The following FBXL7 variants were observed in gnomAD, a reference collection of about 807,000 sequenced individuals.
FBXL7 encodes F-box and leucine rich repeat protein 7, also known as F-box/LRR-repeat protein 7.
Under a neutral mutation model 38.3 loss-of-function variants are expected in FBXL7, and 12 were observed. The observed-to-expected ratio is 0.31, with a 90% CI of 0.20 to 0.51. The LOEUF is 0.51. Ranked by LOEUF, FBXL7 falls within the 20% of genes least tolerant of loss-of-function variation. The probability of loss-of-function intolerance (pLI) is 0.98; values close to 1 mark genes in which losing one functional copy is unlikely to be tolerated. For synonymous variants in FBXL7, 297 were observed against 300.9 expected (o/e 0.99, Z 0.13); for missense variants, 567 against 676.4 (o/e 0.84, Z 1.79).
Position 15,920,571 on chromosome 5 carries a change from A to T in FBXL7, c.128-7319A>T, listed in dbSNP as rs572995269. On this transcript the variant is annotated intron_variant, in intron 2 of 3. Transcript: ENST00000504595. ...AGTCTCCCTCTGTCACCCACACTGG[A>T]GTGCAGTGGCTCAATCTCGGCTCAC... Among the ~76,000 whole-genome samples the T allele has an allele frequency of 3.3e-5, 5 of 151,892 alleles. No homozygotes were observed. The East Asian group carries it at 9.7e-4, about 30-fold the overall frequency.
intron 2 of FBXL7, among the ~76,000 whole-genome samples, chr5:15,904,736 T>G (rs1741314095): frequency 6.6e-6 from 1 of 152,120 alleles, no homozygotes; most frequent in African/African-American, 2.4e-5. Context: ...TTAATAATAA[T>G]AATAATGTGT....
chr5:15,713,366 T>C, intron 2 of FBXL7, among the ~76,000 whole-genome samples: 1 of 152,194 alleles, frequency 6.6e-6, no homozygotes, highest in Non-Finnish European at 1.5e-5. Flanking sequence ...GTGGGAATTA[T>C]GGGAGCTACA....
intron 2 of FBXL7, among the ~76,000 whole-genome samples, chr5:15,634,551 C>A (rs1364041995): frequency 6.6e-6 from 1 of 151,608 alleles, no homozygotes; most frequent in Non-Finnish European, 1.5e-5. Context: ...GAACTCCTGA[C>A]CTCAAGTGAT....
At chr5:15,545,145 A>G (rs868368718) in intron 1 of FBXL7, among the ~76,000 whole-genome samples, 3 of 152,162 alleles carry the variant, frequency 2.0e-5, no homozygotes, top group Non-Finnish European at 2.9e-5. Flanking sequence ...TCCATTCTCA[A>G]TGCTCACATT....
intron 1 of FBXL7, among the ~76,000 whole-genome samples, chr5:15,588,805 G>A (rs972200075): frequency 6.6e-6 from 1 of 152,178 alleles, no homozygotes; most frequent in Non-Finnish European, 1.5e-5. Flanking sequence ...TTCCATGCAG[G>A]TTATGGTAAA....
At chr5:15,573,575 A>G (rs1257187719) in intron 1 of FBXL7, among the ~76,000 whole-genome samples, 1 of 152,202 alleles carries the variant, frequency 6.6e-6, no homozygotes, top group Non-Finnish European at 1.5e-5. Context: ...TTTACAAAGG[A>G]AGGCAGTGTA....
intron 2 of FBXL7, among the ~76,000 whole-genome samples, chr5:15,654,592 A>G (rs1741816781): frequency 6.6e-6 from 1 of 152,158 alleles, no homozygotes; most frequent in South Asian, 2.1e-4. Flanking sequence ...AGTACCTGAA[A>G]GATTCAAGGT....
chr5:15,565,641 A>G (rs1330095807), intron 1 of FBXL7, among the ~76,000 whole-genome samples: 3 of 152,014 alleles, frequency 2.0e-5, no homozygotes, highest in Admixed American at 1.3e-4. Context: ...GCTAAGTCCC[A>G]ATATCTACAG....
intron 2 of FBXL7, among the ~76,000 whole-genome samples, chr5:15,735,232 A>AT: frequency 6.6e-6 from 1 of 152,184 alleles, no homozygotes; most frequent in Non-Finnish European, 1.5e-5. Flanking sequence ...TGTGAAGTTT[A>AT]TTTTTTAAAA....
intron 2 of FBXL7, among the ~76,000 whole-genome samples, chr5:15,672,461 G>A (rs1579365542): frequency 1.3e-5 from 2 of 151,780 alleles, no homozygotes; most frequent in South Asian, 2.1e-4. Flanking sequence ...TTCTAAAAAC[G>A]ATTCTGTTTT....
chr5:15,921,939 AAGT>A (rs1446957495), intron 2 of FBXL7, among the ~76,000 whole-genome samples: 2 of 152,108 alleles, frequency 1.3e-5, no homozygotes, highest in African/African-American at 4.8e-5. Flanking sequence ...AATAAATTGA[AAGT>A]AGAGTACCAT....
intron 1 of FBXL7, among the ~76,000 whole-genome samples, chr5:15,579,964 G>A (rs545829009): frequency 1.3e-5 from 2 of 152,284 alleles, no homozygotes; most frequent in South Asian, 4.1e-4. Context: ...CAGCCTGGGA[G>A]GTCATGCAGT....
rs139292684 is a variant in FBXL7, at chr5:15,847,181, C to G, written c.128-80709C>G. 7.8e-3 allele frequency among the ~76,000 whole-genome samples: 1,194 copies of G among 152,214 alleles called. 9 individuals are homozygous for G. Among genetic ancestry groups the G allele is most frequent in the African/African-American group, 0.027 (1,132 of 41,534 alleles). The stretch of plus-strand genomic sequence containing the variant: ...CTCATGCTACTAATACAGACATACC[C>G]AAGACTGGGTAATTTATAAAGGAAA... On this transcript the variant is annotated intron_variant, in intron 2 of 3. Coordinates refer to ENST00000504595, the MANE Select transcript of FBXL7 (RefSeq NM_012304.5).
At chr5:15,694,751 C>T (rs4701639) in intron 2 of FBXL7, among the ~76,000 whole-genome samples, 97,242 of 151,930 alleles carry the variant, frequency 0.64, 31,829 homozygotes, top group East Asian at 0.74. Context: ...CTGGAATATA[C>T]ATTTTTAAGG....
chr5:15,861,169 A>C (rs990324168), intron 2 of FBXL7, among the ~76,000 whole-genome samples: 4 of 152,194 alleles, frequency 2.6e-5, no homozygotes, highest in Admixed American at 2.0e-4. Flanking sequence ...TAAAACTTGA[A>C]ACAGGAGTGC....
At chr5:15,652,392 G>A (rs1340924860) in intron 2 of FBXL7, among the ~76,000 whole-genome samples, 6 of 151,944 alleles carry the variant, frequency 3.9e-5, no homozygotes, top group African/African-American at 4.8e-5. Flanking sequence ...TCAGCCTCCC[G>A]AGTAGCTGGG....
rs537001469 is a variant in FBXL7 at position 15,863,498 on chromosome 5, G to T, written c.128-64392G>T. The stretch of plus-strand genomic sequence containing the variant: ...AAAATATCTACATGGGAGCCATGGA[G>T]AATGGTCGATGTGACCTCACATTGG... On this transcript the variant is annotated intron_variant, in intron 2 of 3. Coordinates refer to ENST00000504595, the MANE Select transcript of FBXL7 (RefSeq NM_012304.5). 8.9e-4 allele frequency among the ~76,000 whole-genome samples: 135 copies of T among 152,320 alleles called. 1 individual carries two copies. The highest frequency in any genetic ancestry group is 3.2e-3 in the African/African-American group (135 of 41,582).
At chr5:15,734,424 T>G (rs1218349732) in intron 2 of FBXL7, among the ~76,000 whole-genome samples, 1 of 152,246 alleles carries the variant, frequency 6.6e-6, no homozygotes, top group African/African-American at 2.4e-5. Context: ...AGACATTTAA[T>G]TTCTCTGATC....
chr5:15,844,645 C>A (rs1738842937), intron 2 of FBXL7, among the ~76,000 whole-genome samples: 1 of 152,138 alleles, frequency 6.6e-6, no homozygotes, highest in African/African-American at 2.4e-5. Context: ...AGTGTCTTAC[C>A]CCTCTGGAGA....
Sources: gnomAD v4.1 joint callset for allele counts (sites outside exome capture counted in the v4.1 genomes callset) on GRCh38, gnomAD v4.1.1 for gene constraint, MANE v1.5 for transcripts, NCBI Gene and HGNC (gene_info 2026-07-23, HGNC 2026-07-21) for gene names.